Variants in TXNRD1 observed in about 807,000 individuals in gnomAD.
TXNRD1 encodes the protein thioredoxin reductase 1, cytoplasmic.
Under a neutral mutation model 80.3 loss-of-function variants are expected in TXNRD1, and 57 were observed. That is an observed-to-expected ratio of 0.71 (90% CI 0.57 to 0.89). The LOEUF (loss-of-function observed/expected upper bound fraction) is 0.89. Ranked by LOEUF, TXNRD1 falls within the 40% of genes least tolerant of loss-of-function variation. The pLI is 0.00. For synonymous variants in TXNRD1, 291 were observed against 285.2 expected (o/e 1.02, Z -0.20); for missense variants, 730 against 803.0 (o/e 0.91, Z 1.10).
intron 13 of TXNRD1, among the ~76,000 whole-genome samples, chr12:104,328,196 T>C (rs1435857961): frequency 1.3e-5 from 2 of 150,690 alleles, no homozygotes; most frequent in African/African-American, 4.9e-5. Context: ...AAAAAGAAAA[T>C]TGACATCTTG....
chr12:104,234,712 TG>T (rs1294062909), intron 1 of TXNRD1, among the ~76,000 whole-genome samples: 2 of 150,666 alleles, frequency 1.3e-5, no homozygotes, highest in Non-Finnish European at 2.9e-5. Flanking sequence ...AATGTTATGC[TG>T]CTTCTGAGCC....
intron 2 of TXNRD1, among the ~76,000 whole-genome samples, chr12:104,254,079 G>A (rs992312025): frequency 1.3e-5 from 2 of 152,180 alleles, no homozygotes; most frequent in Non-Finnish European, 2.9e-5. Context: ...TAAAGTCAGA[G>A]TGTGGATCTT....
chr12:104,347,052 G>A (rs557543491), intron 16 of TXNRD1, among the ~76,000 whole-genome samples: 1 of 152,228 alleles, frequency 6.6e-6, no homozygotes, highest in East Asian at 1.9e-4. Flanking sequence ...CCAAGATTGT[G>A]CCGCTGCACT....
chr12:104,335,528 G>T (rs1176741868), intron 15 of TXNRD1, among the ~76,000 whole-genome samples: 2 of 152,110 alleles, frequency 1.3e-5, no homozygotes, highest in African/African-American at 4.8e-5. Context: ...GCAGAAACCT[G>T]TGAAAGCCTG....
chr12:104,254,685 C>T (rs2033212986), intron 2 of TXNRD1, among the ~76,000 whole-genome samples: 1 of 135,042 alleles, frequency 7.4e-6, no homozygotes, highest in African/African-American at 2.9e-5. Context: ...TTTGCATGTG[C>T]CTGTAGTCCT....
At chr12:104,239,858 G>A (rs1216734397) in intron 1 of TXNRD1, among the ~76,000 whole-genome samples, 8 of 152,128 alleles carry the variant, frequency 5.3e-5, no homozygotes, top group African/African-American at 9.7e-5. Context: ...TATCTAATTC[G>A]TTGGCATATA....
intron 15 of TXNRD1, among the ~76,000 whole-genome samples, chr12:104,337,231 A>G (rs1382281813): frequency 6.6e-6 from 1 of 151,990 alleles, no homozygotes; most frequent in Non-Finnish European, 1.5e-5. Flanking sequence ...ATAAACCCGG[A>G]ATCGTCAGGG....
intron 4 of TXNRD1, among the ~76,000 whole-genome samples, chr12:104,308,691 G>A (rs2035020818): frequency 6.6e-6 from 1 of 151,966 alleles, no homozygotes. Context: ...CACAGTCAGC[G>A]GACATAATTT....
At chr12:104,265,710 C>T (rs1014031977) in intron 3 of TXNRD1, 28 of 1,600,538 alleles carry the variant, frequency 1.7e-5, no homozygotes, top group Non-Finnish European at 2.3e-5. Context: ...AGATCGCGGC[C>T]AGCAAGTGCC....
intron 1 of TXNRD1, among the ~76,000 whole-genome samples, chr12:104,218,285 A>G (rs551921576): frequency 1.3e-5 from 2 of 152,092 alleles, no homozygotes; most frequent in Non-Finnish European, 2.9e-5. Context: ...CAGCCTCCCA[A>G]AGTGCTGGGA....
At chr12:104,227,444 T>G (rs954144162) in intron 1 of TXNRD1, among the ~76,000 whole-genome samples, 2 of 151,982 alleles carry the variant, frequency 1.3e-5, no homozygotes, top group Non-Finnish European at 2.9e-5. Context: ...TTATTTTTAT[T>G]TTTATAGAAA....
intron 7 of TXNRD1, among the ~76,000 whole-genome samples, chr12:104,317,425 C>CA (rs2035369783): frequency 7.3e-6 from 1 of 136,736 alleles, no homozygotes; most frequent in Non-Finnish European, 1.5e-5. Context: ...CTAATTCTAA[C>CA]ATTATGATCA....
At chr12:104,235,753 T>C (rs550862180) in intron 1 of TXNRD1, among the ~76,000 whole-genome samples, 2 of 152,336 alleles carry the variant, frequency 1.3e-5, no homozygotes, top group Admixed American at 6.5e-5. Context: ...AGCCTGCTGT[T>C]TGAGCCACCC....
rs370792362 is a variant in TXNRD1, at chr12:104,311,317, C to G, written c.442C>G (p.Leu148Val). 2.5e-6 allele frequency: 4 copies of G among 1,607,600 alleles called. No homozygotes were observed. Among genetic ancestry groups the G allele is most frequent in the Non-Finnish European group, 3.4e-6 (4 of 1,176,550 alleles). The change falls in exon 5 of 17, where the codon CTA becomes GTA. Residue 148 changes from leucine (L) to valine (V), a missense_variant. Leu to Val is a conservative substitution (Grantham distance 32). Coordinates refer to ENST00000525566, the MANE Select transcript of TXNRD1 (RefSeq NM_001093771.3). ...TTATCAGGAGGGCAGACTTCAAAAG[C>G]TACTAAAAATGAACGGCCCTGAAGA... ...KAYQEGRLQK[L>V]LKMNGPEDLP... is the part of the protein sequence containing the mutation.
chr12:104,303,946 T>G (rs781281231), intron 4 of TXNRD1: 2 of 1,597,144 alleles, frequency 1.3e-6, no homozygotes, highest in Non-Finnish European at 1.7e-6. Flanking sequence ...TGAAGATGGA[T>G]GTGTCAGTGA....
At chr12:104,247,860 A>T (rs1212923606) in intron 1 of TXNRD1, among the ~76,000 whole-genome samples, 2 of 152,194 alleles carry the variant, frequency 1.3e-5, no homozygotes, top group Non-Finnish European at 2.9e-5. Flanking sequence ...AGGAGTCAGT[A>T]AGGCGTTATG....
intron 2 of TXNRD1, among the ~76,000 whole-genome samples, chr12:104,252,063 CAAAAA>C (rs60195108): frequency 3.6e-5 from 2 of 55,096 alleles, no homozygotes; most frequent in Non-Finnish European, 7.9e-5. Flanking sequence ...GACTCCATCT[CAAAAA>C]AAAAAAAAAA....
intron 8 of TXNRD1, 141 bp downstream of exon 8, chr12:104,319,196 TATC>T: frequency 9.1e-7 from 1 of 1,099,608 alleles, no homozygotes; most frequent in Non-Finnish European, 1.3e-6. Context: ...TTTGCTATCA[TATC>T]ATCCTATGGG....
chr12:104,330,884 G>A (rs894689369), intron 13 of TXNRD1, among the ~76,000 whole-genome samples: 4 of 151,910 alleles, frequency 2.6e-5, no homozygotes, highest in African/African-American at 4.8e-5. Flanking sequence ...CACTGCGCCC[G>A]GCCCTAATTG....
Sources: allele counts gnomAD v4.1 joint callset (sites outside exome capture counted in the v4.1 genomes callset), GRCh38; gene constraint gnomAD v4.1.1; transcripts MANE v1.5; gene names NCBI Gene and HGNC (gene_info 2026-07-23, HGNC 2026-07-21).